LINGO2: variants seen among roughly 807,000 people sequenced by gnomAD.
LINGO2 encodes the protein leucine-rich repeat and immunoglobulin-like domain-containing nogo receptor-interacting protein 2.
In LINGO2, 14 loss-of-function variants were observed where a neutral mutation model predicts 30.6. The ratio of observed to expected loss-of-function variants is 0.46; its 90% CI spans 0.30 to 0.72. The LOEUF (loss-of-function observed/expected upper bound fraction) is 0.72. Among genes scored for constraint, LINGO2 ranks in the 30% least tolerant of loss-of-function variants. The pLI is 0.07. For synonymous variants in LINGO2, 317 were observed against 288.5 expected (o/e 1.10, Z -1.00); for missense variants, 729 against 751.7 (o/e 0.97, Z 0.35).
At position 28,011,181 on chromosome 9, in the gene LINGO2, T is replaced by C. The variant is rs571399421; in HGVS notation, c.-36+1174A>G. On this transcript the variant is annotated intron_variant, in intron 5 of 5. Coordinates refer to ENST00000379992, the Ensembl canonical transcript of LINGO2. Reference sequence around the variant, plus strand: ...GTCAAATGTAAGAGGCCAGGTCAAATTGATTTTTAAATCAGCAGTAAGGAA... The same window carrying C: ...GTCAAATGTAAGAGGCCAGGTCAAACTGATTTTTAAATCAGCAGTAAGGAA... Among the ~76,000 whole-genome samples, 3 of 152,266 alleles carry C rather than the reference T, an allele frequency of 2.0e-5. 1 individual carries two copies. The South Asian group carries it at 6.2e-4, about 32-fold the overall frequency.
chr9:28,504,557 C>T lies in LINGO2; in HGVS notation c.-364-28532G>A, dbSNP rs185739315. 4.5e-4 allele frequency among the ~76,000 whole-genome samples: 68 copies of T among 151,862 alleles called. 1 individual carries two copies. Among genetic ancestry groups the T allele is most frequent in the Middle Eastern group, 6.8e-3 (2 of 294 alleles). On this transcript the variant is annotated intron_variant, in intron 1 of 5. Transcript: ENST00000379992. Reference sequence around the variant, plus strand: ...ATGATTGTTTAAAATGTTCTTTCATCTCTTTCGAATCTCACTGTTCTTTAA... The same window carrying T: ...ATGATTGTTTAAAATGTTCTTTCATTTCTTTCGAATCTCACTGTTCTTTAA...
chr9:29,137,524 G>A, the LINGO2 span, among the ~76,000 whole-genome samples: 1 of 152,120 alleles, frequency 6.6e-6, no homozygotes, highest in Non-Finnish European at 1.5e-5. Context: ...CAGCCACAGG[G>A]TCCAAAGAGA....
chr9:28,404,919 TG>T (rs1822433839), intron 2 of LINGO2, among the ~76,000 whole-genome samples: 2 of 136,246 alleles, frequency 1.5e-5, no homozygotes, highest in Non-Finnish European at 3.3e-5. Context: ...TGTGTGTGTG[TG>T]TGTGTGTAAA....
the LINGO2 span, among the ~76,000 whole-genome samples, chr9:29,002,616 T>G: frequency 6.6e-6 from 1 of 151,998 alleles, no homozygotes; most frequent in African/African-American, 2.4e-5. Context: ...AGATCTGACA[T>G]AAGCAATTTT....
chr9:29,150,467 G>A, the LINGO2 span, among the ~76,000 whole-genome samples: 1 of 152,082 alleles, frequency 6.6e-6, no homozygotes, highest in African/African-American at 2.4e-5. Context: ...TAATCTAGAT[G>A]GCAAGAAAGC....
At chr9:28,307,131 G>C (rs552127023) in intron 3 of LINGO2, among the ~76,000 whole-genome samples, 1 of 152,200 alleles carries the variant, frequency 6.6e-6, no homozygotes, top group African/African-American at 2.4e-5. Context: ...AACAAAAAAA[G>C]AGAATTTTAG....
intron 4 of LINGO2, among the ~76,000 whole-genome samples, chr9:28,025,614 G>A (rs1247973308): frequency 1.3e-5 from 2 of 152,198 alleles, no homozygotes; most frequent in East Asian, 3.9e-4. Flanking sequence ...GAATGGGCAT[G>A]AAAGGGAAAT....
At chr9:28,348,624 G>C (rs1230214134) in intron 3 of LINGO2, among the ~76,000 whole-genome samples, 1 of 152,188 alleles carries the variant, frequency 6.6e-6, no homozygotes, top group Non-Finnish European at 1.5e-5. Context: ...CAGCCTGGAA[G>C]CTGGAACTGG....
chr9:28,070,753 C>T (rs1587807728), intron 4 of LINGO2, among the ~76,000 whole-genome samples: 1 of 152,102 alleles, frequency 6.6e-6, no homozygotes, highest in Admixed American at 6.6e-5. Flanking sequence ...GCTCTGTCAC[C>T]CAGGCTTGAG....
the LINGO2 span, among the ~76,000 whole-genome samples, chr9:29,037,638 A>G: frequency 6.6e-6 from 1 of 151,990 alleles, no homozygotes; most frequent in Non-Finnish European, 1.5e-5. Context: ...CATTTCAGCC[A>G]AAGTCCAAAC....
At chr9:28,092,643 G>A (rs930568819) in intron 4 of LINGO2, among the ~76,000 whole-genome samples, 3 of 150,960 alleles carry the variant, frequency 2.0e-5, no homozygotes, top group Admixed American at 6.6e-5. Flanking sequence ...ACATGTATAC[G>A]TATGTAACAA....
intron 3 of LINGO2, among the ~76,000 whole-genome samples, chr9:28,363,177 A>G (rs1422167898): frequency 1.3e-5 from 2 of 152,214 alleles, no homozygotes; most frequent in African/African-American, 4.8e-5. Context: ...TCCAAAATGT[A>G]CACAGTAAGT....
chr9:28,003,101 C>T (rs1206984), intron 5 of LINGO2, among the ~76,000 whole-genome samples: 79,767 of 151,960 alleles, frequency 0.52, 21,327 homozygotes, highest in East Asian at 0.83. Context: ...ATGATAATCA[C>T]ACAAATGCAT....
At chr9:28,950,079 G>T in the LINGO2 span, among the ~76,000 whole-genome samples, 1 of 152,256 alleles carries the variant, frequency 6.6e-6, no homozygotes, top group Non-Finnish European at 1.5e-5. Context: ...GGGATGCAAG[G>T]CTGGTTCAAT....
chr9:29,132,627 A>G, the LINGO2 span, among the ~76,000 whole-genome samples: 1 of 152,264 alleles, frequency 6.6e-6, no homozygotes, highest in Admixed American at 6.5e-5. Context: ...TGGAGTGTAC[A>G]TTCATTTCAA....
the LINGO2 span, among the ~76,000 whole-genome samples, chr9:28,745,957 A>G: frequency 1.3e-5 from 2 of 152,092 alleles, no homozygotes; most frequent in Non-Finnish European, 2.9e-5. Flanking sequence ...TCTGTTGAAC[A>G]TAAGATAAAA....
intron 1 of LINGO2, among the ~76,000 whole-genome samples, chr9:28,636,082 T>C (rs2135907460): frequency 6.6e-6 from 1 of 152,276 alleles, no homozygotes; most frequent in East Asian, 1.9e-4. Context: ...GTCTTTGGTT[T>C]TCTGTCCTCG....
chr9:28,020,529 A>G (rs938089353), intron 4 of LINGO2, among the ~76,000 whole-genome samples: 1 of 81,064 alleles, frequency 1.2e-5, no homozygotes, highest in Non-Finnish European at 2.5e-5. Context: ...ACTCTGTCTT[A>G]TAAAAACAAA....
chr9:28,747,562 G>T, the LINGO2 span, among the ~76,000 whole-genome samples: 2 of 152,026 alleles, frequency 1.3e-5, no homozygotes, highest in Non-Finnish European at 2.9e-5. Flanking sequence ...CCCATCCCTA[G>T]ACATTACTGT....
Sources: gnomAD v4.1 joint callset for allele counts (sites outside exome capture counted in the v4.1 genomes callset) on GRCh38, gnomAD v4.1.1 for gene constraint, MANE v1.5 for transcripts, NCBI Gene and HGNC (gene_info 2026-07-23, HGNC 2026-07-21) for gene names.